TTN: variants seen among roughly 807,000 people sequenced by gnomAD.
TTN encodes the protein connectin.
In TTN, 1,525 loss-of-function variants were observed where a neutral mutation model predicts 3,223.0. That is an observed-to-expected ratio of 0.47 (90% CI 0.45 to 0.49). The LOEUF (loss-of-function observed/expected upper bound fraction) is 0.49, where lower values mean the gene tolerates loss of function less well. TTN is among the 20% of genes least tolerant of loss of function. The probability of loss-of-function intolerance (pLI) is 0.00; values close to 1 mark genes in which losing one functional copy is unlikely to be tolerated. For synonymous variants in TTN, 14,094 were observed against 15,161.0 expected (o/e 0.93, Z 5.17); for missense variants, 40,786 against 43,424.0 (o/e 0.94, Z 5.40).
rs769444545 is a variant in TTN, at chr2:178,610,384, G to A, written c.51142C>T (p.Pro17048Ser). The A allele has an allele frequency of 4.4e-6, 7 of 1,607,742 alleles. No homozygotes were observed. The highest frequency in any genetic ancestry group is 1.3e-5 in the African/African-American group (1 of 74,394). Residue 17048 changes from proline (P) to serine (S), a missense_variant, in exon 271 of 363, where the codon CCT becomes TCT. By Grantham distance (74) the Pro-to-Ser change is moderately conservative. Coordinates refer to ENST00000589042, the MANE Select transcript of TTN (RefSeq NM_001267550.2). ...ASINVKVIGL[P>S]GPCKDIKASD... ...GCTTTAATATCTTTGCATGGTCCAG[G>A]TAGGCCTATTACAAAAATGGATAAT...
chr2:178,714,810 G>T, intron 90 of TTN, among the ~76,000 whole-genome samples, 176 bp downstream of exon 90: 1 of 152,070 alleles, frequency 6.6e-6, no homozygotes, highest in Admixed American at 6.6e-5. Flanking sequence ...TATCTAAAAG[G>T]ATATTCAGTA....
rs71423567 is a variant in TTN at position 178,528,628 on chromosome 2, G to A, written c.107123C>T (p.Pro35708Leu). The change falls in exon 360 of 363, where the codon CCT (proline) becomes CTT (leucine). Residue 35708 changes from proline to leucine, a missense_variant. Pro to Leu is a moderately conservative substitution (Grantham distance 98). Coordinates refer to ENST00000589042, the MANE Select transcript of TTN (RefSeq NM_001267550.2). ...LSDAPAFISQ[P>L]RSQNINEGQN... ...TCCTTCATTAATATTTTGAGATCTAGGCTGTGAGATGAAGGCTGGAGCATC... is the reference window on the plus strand; with the variant it reads ...TCCTTCATTAATATTTTGAGATCTAAGCTGTGAGATGAAGGCTGGAGCATC... 8 of 1,612,634 alleles carry A rather than the reference G, an allele frequency of 5.0e-6. No homozygotes were observed. The highest frequency in any genetic ancestry group is 2.2e-5 in the East Asian group (1 of 44,866).
intron 213 of TTN, 57 bp downstream of exon 213, chr2:178,649,191 T>C (rs1291089663): frequency 7.8e-6 from 10 of 1,288,504 alleles, no homozygotes; most frequent in Non-Finnish European, 1.1e-5. Context: ...CTAAGACCTA[T>C]TATTAACATG....
In TTN at chr2:178,531,653, T is replaced by G. The variant is rs1420224634; in HGVS notation, c.104962A>C (p.Ile34988Leu). Residue 34988 changes from isoleucine (I) to leucine (L), a missense_variant, in exon 358 of 363, where the codon ATT becomes CTT. Physicochemically the swap from Ile to Leu is conservative, Grantham distance 5. Transcript: ENST00000589042. Reference sequence around the variant, plus strand: ...ACTCCACTCGTGTTGGTGTAATGAATCTTACTGCTTTCTTGGAGTTCCACA... The same window carrying G: ...ACTCCACTCGTGTTGGTGTAATGAAGCTTACTGCTTTCTTGGAGTTCCACA... ...NGVELQESSK[I>L]HYTNTSGVLT... is the part of the protein sequence containing the mutation. 1 of 1,614,006 alleles carries G rather than the reference T, an allele frequency of 6.2e-7. No individual in the cohort carries two copies. The highest frequency in any genetic ancestry group is 2.2e-5 in the East Asian group (1 of 44,884).
intron 209 of TTN, among the ~76,000 whole-genome samples, 198 bp downstream of exon 209, chr2:178,650,553 T>C (rs2062762363): frequency 6.6e-6 from 1 of 152,168 alleles, no homozygotes; most frequent in Non-Finnish European, 1.5e-5. Context: ...TATAGCTTAC[T>C]ATGACTTATG....
rs771269441 is a variant in TTN at position 178,757,889 on chromosome 2, G to A, written c.10331C>T (p.Ser3444Leu). ...EGFSKFEENTSNSQWHVSLSV... is the reference protein window; with the variant it reads ...EGFSKFEENTLNSQWHVSLSV... ...TAAAGAGACATGCCATTGGGAGTTT[G>A]ATGTATTTTCTTCAAATTTGCTAAA... is the stretch of plus-strand genomic sequence containing the variant. Residue 3444 changes from serine (S) to leucine (L), a missense_variant, in exon 45 of 363, where the codon TCA becomes TTA. Coordinates refer to ENST00000589042, the MANE Select transcript of TTN (RefSeq NM_001267550.2). 12 of 1,523,028 alleles carry A rather than the reference G, an allele frequency of 7.9e-6. No homozygotes were observed. The highest frequency in any genetic ancestry group is 1.4e-5 in the African/African-American group (1 of 71,678). The allele number at this position is 1,523,028 out of a possible 1,614,324, so 94.3% of individuals were successfully genotyped here. A position where few individuals can be genotyped will look rare whatever the true frequency, so the allele number is the denominator to read the frequency against.
In TTN at chr2:178,790,766, G is replaced by A. The variant is rs199778910; in HGVS notation, c.1742C>T (p.Pro581Leu). Residue 581 changes from proline to leucine, a missense_variant, in exon 11 of 363, where the codon CCG becomes CTG. Pro to Leu is a moderately conservative substitution (Grantham distance 98). Coordinates refer to ENST00000589042, the MANE Select transcript of TTN (RefSeq NM_001267550.2). Reference protein sequence around the residue: ...TAKSTKLETVPGAQEETTTQQ... With the variant: ...TAKSTKLETVLGAQEETTTQQ... ...TGTGGTAGTTTCTTCTTGAGCTCCC[G>A]GGACTGTTTCTAGTTTTGTGGACTT... The A allele has an allele frequency of 2.1e-4, 335 of 1,614,068 alleles. No homozygotes were observed. Among genetic ancestry groups the A allele is most frequent in the East Asian group, 4.9e-4 (22 of 44,872 alleles).
chr2:178,579,379 C>G lies in TTN; in HGVS notation c.67651G>C (p.Asp22551His). The change falls in exon 320 of 363, where the codon GAC becomes CAC. Residue 22551 changes from aspartate to histidine, a missense_variant. Coordinates refer to ENST00000589042, the MANE Select transcript of TTN (RefSeq NM_001267550.2). The stretch of plus-strand genomic sequence containing the variant: ...CACAAATCAGGTAGACCCTTTAAGT[C>G]AAGATCAGGAGCCACTGTAAAATAG... ...ARDDVVAPDLDLKGLPDLCYL... is the reference protein window; with the variant it reads ...ARDDVVAPDLHLKGLPDLCYL... 1 of 1,572,800 alleles carries G rather than the reference C, an allele frequency of 6.4e-7. No homozygotes were observed. The highest frequency in any genetic ancestry group is 8.6e-7 in the Non-Finnish European group (1 of 1,164,930).
chr2:178,544,478 T>G lies in TTN; in HGVS notation c.95751A>C (p.Arg31917Ser), dbSNP rs762845985. ...SYTPGPPSAP[R>S]VVDTTKHSIS... ...TGCTGTGTTTGGTGGTATCCACAACTCTTGGAGCAGAAGGTGGTCCAGGGG... is the reference window on the plus strand; with the variant it reads ...TGCTGTGTTTGGTGGTATCCACAACGCTTGGAGCAGAAGGTGGTCCAGGGG... Residue 31917 changes from arginine to serine, a missense_variant, in exon 345 of 363, where the codon AGA becomes AGC. Coordinates refer to ENST00000589042, the MANE Select transcript of TTN (RefSeq NM_001267550.2). 4.4e-6 allele frequency: 7 copies of G among 1,607,144 alleles called. No homozygotes were observed. Among genetic ancestry groups the G allele is most frequent in the Non-Finnish European group, 6.0e-6 (7 of 1,174,064 alleles).
intron 88 of TTN, among the ~76,000 whole-genome samples, 189 bp from the exon 89 acceptor site, chr2:178,715,963 TA>T (rs1199997894): frequency 6.6e-6 from 1 of 152,188 alleles, no homozygotes; most frequent in East Asian, 1.9e-4. Flanking sequence ...CTTGTTTTTG[TA>T]AGCATCCACA....
chr2:178,751,997 G>A (rs1165172286), intron 47 of TTN: 5 of 1,591,104 alleles, frequency 3.1e-6, no homozygotes, highest in Non-Finnish European at 4.3e-6. Flanking sequence ...GGCGTCACGT[G>A]TATCCCTTTC....
At chr2:178,684,458 G>A (rs757829549) in intron 131 of TTN, 45 bp from the exon 132 acceptor site, 20 of 1,576,554 alleles carry the variant, frequency 1.3e-5, no homozygotes, top group Middle Eastern at 1.7e-4. Context: ...CAAAGTGGAC[G>A]TAAAAAATAT....
At position 178,712,149 on chromosome 2, in the gene TTN, C is replaced by G. The variant is rs1214925721; in HGVS notation, c.27681G>C (p.Gln9227His). The change falls in exon 96 of 363, where the codon CAG becomes CAC. Residue 9227 changes from glutamine (Q) to histidine (H), a missense_variant. By Grantham distance (24) the Gln-to-His change is conservative (BLOSUM62 0). Transcript: ENST00000589042. Reference protein sequence around the residue: ...SVGDSASLQCQLAGTPEIGVS... With the variant: ...SVGDSASLQCHLAGTPEIGVS... ...CCCCAATTTCAGGGGTTCCAGCAAGCTGGCATTGTAGAGAGGCAGAATCTC... is the reference window on the plus strand; with the variant it reads ...CCCCAATTTCAGGGGTTCCAGCAAGGTGGCATTGTAGAGAGGCAGAATCTC... 1 of 1,613,800 alleles carries G rather than the reference C, an allele frequency of 6.2e-7. No homozygotes were observed. Among genetic ancestry groups the G allele is most frequent in the East Asian group, 2.2e-5 (1 of 44,862 alleles).
rs1703630700 is a variant in TTN at position 178,561,458 on chromosome 2, T to C, written c.84674A>G (p.Tyr28225Cys). 1 of 1,613,696 alleles carries C rather than the reference T, an allele frequency of 6.2e-7. No homozygotes were observed. The highest frequency in any genetic ancestry group is 8.5e-7 in the Non-Finnish European group (1 of 1,179,778). The change falls in exon 326 of 363, where the codon TAT becomes TGT. Residue 28225 changes from tyrosine (Y) to cysteine (C), a missense_variant. Tyr to Cys is a radical substitution (Grantham distance 194). Coordinates refer to ENST00000589042, the MANE Select transcript of TTN (RefSeq NM_001267550.2). Reference sequence around the variant, plus strand: ...ATTTTCAGCATATACACGATACTCATACATCAGTCCTTCATCAAGGCCGGA... The same window carrying C: ...ATTTTCAGCATATACACGATACTCACACATCAGTCCTTCATCAAGGCCGGA... ...KVSGLDEGLM[Y>C]EYRVYAENIA...
At chr2:178,597,070 G>T (rs1367840628) in intron 294 of TTN, among the ~76,000 whole-genome samples, 3 of 151,998 alleles carry the variant, frequency 2.0e-5, no homozygotes, top group Non-Finnish European at 2.9e-5. Context: ...AAACATTCAT[G>T]TACAGTTTAA....
At position 178,720,516 on chromosome 2, in the gene TTN, T is replaced by G; in HGVS notation, c.23246A>C (p.Lys7749Thr). 1 of 1,613,664 alleles carries G rather than the reference T, an allele frequency of 6.2e-7. No individual in the cohort carries two copies. The highest frequency in any genetic ancestry group is 8.5e-7 in the Non-Finnish European group (1 of 1,179,670). ...TGTATCAAAATGTTTTGAAGTGATT[T>G]TAAATTTCTTGCTGTTTCTAACCTG... ...RKQVRNSKKF[K>T]ITSKHFDTSL... The change falls in exon 80 of 363, where the codon AAA (lysine) becomes ACA (threonine). Residue 7749 changes from lysine (K) to threonine (T), a missense_variant. Physicochemically the swap from Lys to Thr is moderately conservative, Grantham distance 78. Transcript: ENST00000589042.
At chr2:178,688,862 G>A (rs976206447) in intron 125 of TTN, 84 bp from the exon 126 acceptor site, 14 of 1,207,416 alleles carry the variant, frequency 1.2e-5, no homozygotes, top group Admixed American at 2.0e-5. Flanking sequence ...GAGTTGCACA[G>A]TACACCACTT....
intron 330 of TTN, 79 bp from the exon 331 acceptor site, chr2:178,555,231 G>A (rs1245632827): frequency 7.6e-7 from 1 of 1,318,112 alleles, no homozygotes; most frequent in Non-Finnish European, 1.1e-6. Flanking sequence ...CTTAAAGTAA[G>A]GTCATTGGCC....
Position 178,632,720 on chromosome 2 carries a change from C to T in TTN, c.43286G>A (p.Cys14429Tyr), listed in dbSNP as rs2059953559. The change falls in exon 235 of 363, where the codon TGT becomes TAT. Residue 14429 changes from cysteine to tyrosine, a missense_variant. Physicochemically the swap from Cys to Tyr is radical, Grantham distance 194 (BLOSUM62 -2). Coordinates refer to ENST00000589042, the MANE Select transcript of TTN (RefSeq NM_001267550.2). Reference sequence around the variant, plus strand: ...TGTTTTGGGCTCCCTGGATACTTCACACTCAAACTTAGCCTCATCTTTCTC... The same window carrying T: ...TGTTTTGGGCTCCCTGGATACTTCATACTCAAACTTAGCCTCATCTTTCTC... ...VFEKDEAKFE[C>Y]EVSREPKTFR... 1 of 1,613,386 alleles carries T rather than the reference C, an allele frequency of 6.2e-7. No homozygotes were observed. The highest frequency in any genetic ancestry group is 1.1e-5 in the South Asian group (1 of 91,066).
Sources: allele counts gnomAD v4.1 joint callset (sites outside exome capture counted in the v4.1 genomes callset), GRCh38; gene constraint gnomAD v4.1.1; transcripts MANE v1.5; gene names NCBI Gene and HGNC (gene_info 2026-07-23, HGNC 2026-07-21).